Variants in ELK3 observed in about 807,000 individuals in gnomAD.
ELK3 encodes ETS transcription factor ELK3, also known as ETS domain-containing protein Elk-3.
In ELK3, 10 loss-of-function variants were observed where a neutral mutation model predicts 28.9. That is an observed-to-expected ratio of 0.35 (90% confidence interval 0.21 to 0.59). ELK3 has a LOEUF of 0.59. Ranked by LOEUF, ELK3 falls within the 20% of genes least tolerant of loss-of-function variation. The pLI is 0.82. For missense variants in ELK3, 463 were observed against 517.3 expected (o/e 0.90, Z 1.02); for synonymous variants, 272 against 243.5 (o/e 1.12, Z -1.09).
chr12:96,196,501 C>G (rs745392689), intron 1 of ELK3, among the ~76,000 whole-genome samples: 30 of 152,182 alleles, frequency 2.0e-4, no homozygotes, highest in Non-Finnish European at 2.8e-4. Context: ...ACCCTCTGAT[C>G]TCTTTTTCTT....
At chr12:96,264,697 A>T (rs1442612572) in intron 4 of ELK3, among the ~76,000 whole-genome samples, 3 of 152,186 alleles carry the variant, frequency 2.0e-5, no homozygotes, top group Admixed American at 2.0e-4. Context: ...AGGTGGCAGC[A>T]CTGCTTGAGC....
Position 96,250,754 on chromosome 12 carries a change from G to C in ELK3, c.1002+3020G>C, listed in dbSNP as rs549550430. On this transcript the variant is annotated intron_variant, in intron 3 of 4. Transcript: ENST00000228741. ...GGTGTGCTGTGTGCAGTGTGATGCTGTGTGCACATAAACATTTGATAATCT... is the reference window on the plus strand; with the variant it reads ...GGTGTGCTGTGTGCAGTGTGATGCTCTGTGCACATAAACATTTGATAATCT... Among the ~76,000 whole-genome samples the C allele has an allele frequency of 5.3e-5, 8 of 152,294 alleles. No individual in the cohort carries two copies. The South Asian group carries it at 1.7e-3, about 32-fold the overall frequency.
At chr12:96,260,564 A>G (rs1951985947) in intron 4 of ELK3, among the ~76,000 whole-genome samples, 1 of 150,318 alleles carries the variant, frequency 6.7e-6, no homozygotes, top group Non-Finnish European at 1.5e-5. Context: ...CTAGGCGAGC[A>G]CCTTCATTAT....
chr12:96,196,405 TG>T (rs1194780769), intron 1 of ELK3, among the ~76,000 whole-genome samples: 1 of 52,158 alleles, frequency 1.9e-5, no homozygotes, highest in Non-Finnish European at 3.6e-5. Context: ...TCTCCATCTG[TG>T]CTTGTCTTTG....
intron 3 of ELK3, among the ~76,000 whole-genome samples, chr12:96,249,636 C>T (rs1481568042): frequency 7.4e-6 from 1 of 136,054 alleles, no homozygotes; most frequent in Non-Finnish European, 1.6e-5. Flanking sequence ...GGTCCGAAGC[C>T]AGGCCAGGGC....
intron 1 of ELK3, among the ~76,000 whole-genome samples, chr12:96,204,458 C>A (rs994442226): frequency 3.5e-4 from 53 of 152,214 alleles, no homozygotes; most frequent in African/African-American, 1.1e-3. Flanking sequence ...AGGACTAGGT[C>A]TCCTAATAAA....
chr12:96,222,403 A>G (rs374702020), intron 1 of ELK3, among the ~76,000 whole-genome samples: 2 of 152,298 alleles, frequency 1.3e-5, no homozygotes, highest in East Asian at 1.9e-4. Context: ...AACATTGTAT[A>G]TATAGGTTTT....
intron 1 of ELK3, among the ~76,000 whole-genome samples, chr12:96,221,374 G>A (rs569970585): frequency 1.3e-5 from 2 of 152,228 alleles, no homozygotes; most frequent in Non-Finnish European, 2.9e-5. Flanking sequence ...TTCGGAACGT[G>A]ATGTCAGTTA....
intron 1 of ELK3, among the ~76,000 whole-genome samples, chr12:96,195,429 TC>T (rs1174346671): frequency 6.6e-6 from 1 of 152,190 alleles, no homozygotes; most frequent in Non-Finnish European, 1.5e-5. Flanking sequence ...TGGGGCCCCT[TC>T]CACTCCCCAT....
intron 2 of ELK3, among the ~76,000 whole-genome samples, chr12:96,232,162 C>T (rs1253863506): frequency 1.3e-5 from 2 of 152,200 alleles, no homozygotes; most frequent in Non-Finnish European, 2.9e-5. Context: ...TTTGACCTTT[C>T]AAGCACAGAG....
At chr12:96,217,529 C>T (rs970043514) in intron 1 of ELK3, among the ~76,000 whole-genome samples, 9 of 152,150 alleles carry the variant, frequency 5.9e-5, no homozygotes, top group African/African-American at 1.7e-4. Flanking sequence ...CTCATTATAA[C>T]GTCTGCCTGG....
chr12:96,253,850 C>T lies in ELK3; in HGVS notation c.1003-5881C>T, dbSNP rs145256695. 4.0e-3 allele frequency among the ~76,000 whole-genome samples: 609 copies of T among 152,288 alleles called. 8 individuals carry two copies. Among genetic ancestry groups the T allele is most frequent in the African/African-American group, 0.014 (570 of 41,552 alleles). On this transcript the variant is annotated intron_variant, in intron 3 of 4. Transcript: ENST00000228741. ...AGATAATCACTGAAAACTAAGCATTCGCTTAGATACCTGGAGATACAGAGG... is the reference window on the plus strand; with the variant it reads ...AGATAATCACTGAAAACTAAGCATTTGCTTAGATACCTGGAGATACAGAGG...
rs1387287733 is a variant in ELK3 at position 96,269,342 on chromosome 12, T to C, written c.*2162T>C. ...GTGCAAAAATCTCAACCAAAACTAC[T>C]ATTTTTAGTATACTTGTTTACGTAA... On this transcript the variant is annotated 3_prime_UTR_variant, in exon 5 of 5. Transcript: ENST00000228741. 1.3e-5 allele frequency: 2 copies of C among 152,254 alleles called. No individual in the cohort carries two copies. Among genetic ancestry groups the C allele is most frequent in the African/African-American group, 4.8e-5 (2 of 41,470 alleles). 9.4% of individuals were successfully genotyped at this position (152,254 alleles called of 1,614,324 possible).
At position 96,269,699 on chromosome 12, in the gene ELK3, A is replaced by G. The variant is rs568006100; in HGVS notation, c.*2519A>G. ...TAAACTGCTATGGGAAAAGTTTTAT[A>G]GAACTATATAACCTGAATGTTGGTC... On this transcript the variant is annotated 3_prime_UTR_variant, in exon 5 of 5. Coordinates refer to ENST00000228741, the MANE Select transcript of ELK3 (RefSeq NM_005230.4). The G allele has an allele frequency of 6.6e-6, 1 of 152,242 alleles. No individual in the cohort carries two copies. Among genetic ancestry groups the G allele is most frequent in the African/African-American group, 2.4e-5 (1 of 41,462 alleles). The allele number at this position is 152,242 out of a possible 1,614,324, so 9.4% of individuals were successfully genotyped here.
chr12:96,266,710 ACT>A (rs774261097), intron 4 of ELK3, among the ~76,000 whole-genome samples: 22 of 152,236 alleles, frequency 1.4e-4, no homozygotes, highest in Admixed American at 5.2e-4. Context: ...TTTTCAAAAC[ACT>A]CTTTTAATAT....
At chr12:96,233,876 G>GT (rs1951761104) in intron 2 of ELK3, among the ~76,000 whole-genome samples, 1 of 152,244 alleles carries the variant, frequency 6.6e-6, no homozygotes, top group Non-Finnish European at 1.5e-5. Context: ...GGGTGTGAGT[G>GT]TTGAGGGCCT....
intron 2 of ELK3, among the ~76,000 whole-genome samples, chr12:96,236,056 C>T (rs1433508813): frequency 6.6e-6 from 1 of 152,098 alleles, no homozygotes; most frequent in African/African-American, 2.4e-5. Flanking sequence ...GAACTTCTGA[C>T]CTCAGTTGAA....
chr12:96,243,854 A>C (rs1951838237), intron 2 of ELK3, among the ~76,000 whole-genome samples: 1 of 151,794 alleles, frequency 6.6e-6, no homozygotes, highest in South Asian at 2.1e-4. Flanking sequence ...AAAAAAAAAA[A>C]AATTAGCTGG....
At chr12:96,203,364 C>T (rs139334567) in intron 1 of ELK3, among the ~76,000 whole-genome samples, 72 of 152,306 alleles carry the variant, frequency 4.7e-4, no homozygotes, top group Non-Finnish European at 9.1e-4. Flanking sequence ...GATGCCTGCA[C>T]GTGTCTGTGT....
Sources: allele counts gnomAD v4.1 joint callset (sites outside exome capture counted in the v4.1 genomes callset), GRCh38; gene constraint gnomAD v4.1.1; transcripts MANE v1.5; gene names NCBI Gene and HGNC (gene_info 2026-07-23, HGNC 2026-07-21).